The following ABCB8 variants were observed in gnomAD, a reference collection of about 807,000 sequenced individuals.
ABCB8 encodes the protein mitochondrial potassium channel ATP-binding subunit.
In ABCB8, 52 loss-of-function variants were observed where a neutral mutation model predicts 73.0. That is an observed-to-expected ratio of 0.71 (90% CI 0.57 to 0.90). The LOEUF is 0.90. ABCB8 is among the 40% of genes least tolerant of loss of function. The pLI is 0.00. For synonymous variants in ABCB8, 428 were observed against 423.5 expected, an observed-to-expected ratio of 1.01 and a Z score of -0.13; for missense variants, 909 against 974.6, an observed-to-expected ratio of 0.93 and a Z score of 0.90.
chr7:151,036,311 G>A, intron 8 of ABCB8, 141 bp downstream of exon 8: 2 of 974,696 alleles, frequency 2.1e-6, no homozygotes, highest in Admixed American at 2.6e-5. Context: ...TGCAGGTAAA[G>A]GGAGGGTGCC....
At chr7:151,031,315 A>T (rs1192277825) in intron 1 of ABCB8, 1 of 1,541,066 alleles carries the variant, frequency 6.5e-7, no homozygotes, top group Non-Finnish European at 8.7e-7. Flanking sequence ...TCTTTCTAAT[A>T]GAAACAAGAA....
intron 9 of ABCB8, chr7:151,039,779 GT>G (rs1461112585): frequency 2.0e-5 from 3 of 153,808 alleles, no homozygotes; most frequent in Non-Finnish European, 4.3e-5. Context: ...TTCCCCAAGA[GT>G]CTGCAGCATT....
chr7:151,042,668 C>T (rs761089829), intron 14 of ABCB8, among the ~76,000 whole-genome samples: 7 of 152,238 alleles, frequency 4.6e-5, no homozygotes, highest in Non-Finnish European at 1.0e-4. Context: ...GCTTGACGTG[C>T]GGAGCTCCCA....
Position 151,040,911 on chromosome 7 carries a change from A to G in ABCB8, c.1472A>G (p.Gln491Arg), listed in dbSNP as rs1404736759. 1 of 1,604,478 alleles carries G rather than the reference A, an allele frequency of 6.2e-7. No individual in the cohort carries two copies. The highest frequency in any genetic ancestry group is 8.5e-7 in the Non-Finnish European group (1 of 1,175,620). Residue 491 changes from glutamine to arginine, a missense_variant, in exon 12 of 16, where the codon CAG (glutamine) becomes CGG (arginine). Coordinates refer to ENST00000358849, the MANE Select transcript of ABCB8 (RefSeq NM_007188.5). ...GGCAAGATCGTGGCCCTCGTGGGCC[A>G]GTCTGGCGGAGGTAAGGGGAGCCCA... is the stretch of plus-strand genomic sequence containing the variant. The part of the protein sequence containing the change: ...PPGKIVALVG[Q>R]SGGGKTTVAS...
rs1399749155 is a variant in ABCB8, at chr7:151,043,959, C to T, written c.1766-12C>T. On this transcript the variant is annotated splice_polypyrimidine_tract_variant and intron_variant, in intron 14 of 15. Coordinates refer to ENST00000358849, the MANE Select transcript of ABCB8 (RefSeq NM_007188.5). ...ACAGCTTCAGGCTCCTGCCCTGCCC[C>T]TCCCTTCCCAGGTGAACGGGGCACT... 6.2e-7 allele frequency: 1 copy of T among 1,606,194 alleles called. No homozygotes were observed. The highest frequency in any genetic ancestry group is 1.7e-5 in the Admixed American group (1 of 59,884).
Position 151,035,637 on chromosome 7 carries a change from G to A in ABCB8, c.822G>A (p.Ser274=), listed in dbSNP as rs576776514. 69 of 1,610,928 alleles carry A rather than the reference G, an allele frequency of 4.3e-5. No homozygotes were observed. Among genetic ancestry groups the A allele is most frequent in the Non-Finnish European group, 5.5e-5 (65 of 1,177,884 alleles). Residue 274 remains serine, a synonymous_variant, in exon 6 of 16, where the codon TCG becomes TCA. Transcript: ENST00000358849. Reference sequence around the variant, plus strand: ...GCCTGGTGTCCCTGTCCATGCTGTCGACACGCCTCACGCTGCTGCTGATGG... The same window carrying A: ...GCCTGGTGTCCCTGTCCATGCTGTCAACACGCCTCACGCTGCTGCTGATGG... ...AGCLVSLSML[S]TRLTLLLMVA...
intron 1 of ABCB8, 134 bp downstream of exon 1, chr7:151,028,744 T>TGTCA: frequency 6.5e-7 from 1 of 1,536,008 alleles, no homozygotes; most frequent in Non-Finnish European, 8.7e-7. Context: ...CGGGGTGGAA[T>TGTCA]GTCACTCCGC....
At chr7:151,037,301 A>T (rs1330155679) in intron 9 of ABCB8, 1 of 702,790 alleles carries the variant, frequency 1.4e-6, no homozygotes, top group African/African-American at 1.7e-5. Context: ...CATTCCATGC[A>T]TGGAAGGACC....
chr7:151,035,501 A>G (rs1044181629), intron 5 of ABCB8, 80 bp from the exon 6 acceptor site: 25 of 1,478,948 alleles, frequency 1.7e-5, no homozygotes, highest in Admixed American at 1.6e-4. Context: ...GTGCAGAGCT[A>G]CAGTCAGCTG....
rs910403875 is a variant in ABCB8, at chr7:151,045,467, G to A, written c.*118G>A. On this transcript the variant is annotated 3_prime_UTR_variant, in exon 16 of 16. Coordinates refer to ENST00000358849, the MANE Select transcript of ABCB8 (RefSeq NM_007188.5). ...GGGCCAGCATGTGGAGAGTCGCTGC[G>A]GCTGCTCCTGCTCACAATAAAGCCG... is the stretch of plus-strand genomic sequence containing the variant. 102 of 1,254,880 alleles carry A rather than the reference G, an allele frequency of 8.1e-5. No individual in the cohort carries two copies. Among genetic ancestry groups the A allele is most frequent in the Middle Eastern group, 5.9e-4 (2 of 3,368 alleles). 77.7% of individuals were successfully genotyped at this position (1,254,880 alleles called of 1,614,324 possible).
At chr7:151,035,549 C>T (rs749938933) in intron 5 of ABCB8, 32 bp from the exon 6 acceptor site, 117 of 1,562,196 alleles carry the variant, frequency 7.5e-5, no homozygotes, top group Non-Finnish European at 9.7e-5. Flanking sequence ...GTGCGGACGC[C>T]GTAGCCTCCC....
rs1194413280 is a variant in ABCB8, at chr7:151,047,599, G to A, written c.*2250G>A. Reference sequence around the variant, plus strand: ...GGTGGCCCAGCAGTTGCAGCATGGTGTGTGCACACGTTTGGCTGGTGGAAC... The same window carrying A: ...GGTGGCCCAGCAGTTGCAGCATGGTATGTGCACACGTTTGGCTGGTGGAAC... On this transcript the variant is annotated 3_prime_UTR_variant, in exon 16 of 16. Coordinates refer to ENST00000358849, the MANE Select transcript of ABCB8 (RefSeq NM_007188.5). 3.9e-5 allele frequency: 6 copies of A among 152,228 alleles called. No individual in the cohort carries two copies. The highest frequency in any genetic ancestry group is 7.3e-5 in the Non-Finnish European group (5 of 68,048). 9.4% of individuals were successfully genotyped at this position (152,228 alleles called of 1,614,324 possible).
intron 13 of ABCB8, 34 bp from the exon 14 acceptor site, chr7:151,041,927 T>C: frequency 6.2e-7 from 1 of 1,607,324 alleles, no homozygotes; most frequent in Non-Finnish European, 8.5e-7. Flanking sequence ...AGAATGTTTC[T>C]ATGGACTCTG....
Position 151,047,578 on chromosome 7 carries a change from G to C in ABCB8, c.*2229G>C, listed in dbSNP as rs1004810664. The stretch of plus-strand genomic sequence containing the variant: ...GTCCTGTTGGGAGGACAGACAGGTG[G>C]CCCAGCAGTTGCAGCATGGTGTGTG... On this transcript the variant is annotated 3_prime_UTR_variant, in exon 16 of 16. Coordinates refer to ENST00000358849, the MANE Select transcript of ABCB8 (RefSeq NM_007188.5). 2.0e-5 allele frequency: 3 copies of C among 152,242 alleles called. No homozygotes were observed. Among genetic ancestry groups the C allele is most frequent in the African/African-American group, 7.2e-5 (3 of 41,450 alleles). 9.4% of individuals were successfully genotyped at this position (152,242 alleles called of 1,614,324 possible).
At chr7:151,031,404 C>A (rs750822956) in intron 1 of ABCB8, 42 of 1,382,620 alleles carry the variant, frequency 3.0e-5, no homozygotes, top group Non-Finnish European at 3.9e-5. Flanking sequence ...AAGGCACAGG[C>A]CTTCCTGAAA....
At chr7:151,037,292 A>AC in intron 9 of ABCB8, 1 of 702,932 alleles carries the variant, frequency 1.4e-6, no homozygotes, top group Non-Finnish European at 2.6e-6. Flanking sequence ...AGGCTGTGAC[A>AC]TTCCATGCAT....
chr7:151,030,961 G>C (rs893368956), intron 1 of ABCB8, among the ~76,000 whole-genome samples: 1 of 152,050 alleles, frequency 6.6e-6, no homozygotes, highest in African/African-American at 2.4e-5. Flanking sequence ...AAAAGAATCA[G>C]AATACATGTT....
In ABCB8 at chr7:151,034,526, C is replaced by G; in HGVS notation, c.586C>G (p.Leu196Val). 2 of 1,613,504 alleles carry G rather than the reference C, an allele frequency of 1.2e-6. No homozygotes were observed. Among genetic ancestry groups the G allele is most frequent in the South Asian group, 2.2e-5 (2 of 91,088 alleles). Residue 196 changes from leucine to valine, a missense_variant, in exon 4 of 16, where the codon CTG (leucine) becomes GTG (valine). Transcript: ENST00000358849. ...GVQGLLTFGY[L>V]VLLSHVGERM... ...GCAGGGACTGCTGACCTTCGGGTAC[C>G]TGGTGCTGCTGTCCCACGTTGGCGA...
At chr7:151,029,315 A>G (rs969847617) in intron 1 of ABCB8, among the ~76,000 whole-genome samples, 16 of 151,870 alleles carry the variant, frequency 1.1e-4, no homozygotes, top group Non-Finnish European at 1.5e-5. Flanking sequence ...AAAAAAAAAA[A>G]AAGAGTCAAT....
Sources: allele counts gnomAD v4.1 joint callset (sites outside exome capture counted in the v4.1 genomes callset), GRCh38; gene constraint gnomAD v4.1.1; transcripts MANE v1.5; gene names NCBI Gene and HGNC (gene_info 2026-07-23, HGNC 2026-07-21).